The following ELP2 variants were observed in gnomAD, a reference collection of about 807,000 sequenced individuals.
ELP2 encodes the protein elongator acetyltransferase complex subunit 2.
In ELP2, 90 loss-of-function variants were observed where a neutral mutation model predicts 119.2. The ratio of observed to expected loss-of-function variants is 0.75; its 90% CI spans 0.64 to 0.90. The LOEUF (loss-of-function observed/expected upper bound fraction) is 0.90, where lower values mean the gene tolerates loss of function less well. Ranked by LOEUF, ELP2 falls within the 40% of genes least tolerant of loss-of-function variation. ELP2 has a pLI of 0.00. For synonymous variants in ELP2, 339 were observed against 331.0 expected (o/e 1.02, Z -0.26); for missense variants, 921 against 967.8 (o/e 0.95, Z 0.64).
intron 2 of ELP2, among the ~76,000 whole-genome samples, chr18:36,133,978 C>G (rs764713350): frequency 7.7e-6 from 1 of 129,112 alleles, no homozygotes; most frequent in Non-Finnish European, 1.5e-5. Context: ...GGCAAGATCT[C>G]GGCTCACTGC....
At chr18:36,141,692 CTTTT>C (rs1204242187) in intron 6 of ELP2, among the ~76,000 whole-genome samples, 1 of 137,270 alleles carries the variant, frequency 7.3e-6, no homozygotes, top group African/African-American at 2.7e-5. Context: ...AGCTATTCAA[CTTTT>C]TTTTTTTTTT....
chr18:36,157,002 AGG>A (rs1297171696), intron 13 of ELP2, among the ~76,000 whole-genome samples: 1 of 152,138 alleles, frequency 6.6e-6, no homozygotes, highest in Non-Finnish European at 1.5e-5. Context: ...GTAGGGGTAG[AGG>A]TAGGGGGCAG....
At chr18:36,155,020 A>AT (rs781741475) in intron 12 of ELP2, 21 bp downstream of exon 12, 2 of 1,600,632 alleles carry the variant, frequency 1.2e-6, no homozygotes, top group East Asian at 4.5e-5. Context: ...TTATTTATTT[A>AT]TTTATTTTTT....
chr18:36,148,943 C>T (rs2090299874), intron 11 of ELP2, among the ~76,000 whole-genome samples: 1 of 152,156 alleles, frequency 6.6e-6, no homozygotes, highest in African/African-American at 2.4e-5. Context: ...TGAATGTCTC[C>T]CAGGCTGAGG....
At chr18:36,156,328 C>T (rs1262322980) in intron 12 of ELP2, 138 bp from the exon 13 acceptor site, 4 of 825,548 alleles carry the variant, frequency 4.8e-6, no homozygotes, top group Non-Finnish European at 8.1e-6. Context: ...CAATACTGCC[C>T]AGTTGTGGTT....
intron 21 of ELP2, among the ~76,000 whole-genome samples, chr18:36,173,915 G>T (rs926205086): frequency 1.3e-5 from 2 of 152,130 alleles, no homozygotes; most frequent in Non-Finnish European, 2.9e-5. Flanking sequence ...GGGGAGGTAG[G>T]GGGTAGGGAG....
chr18:36,151,336 G>C (rs532135189), intron 11 of ELP2, among the ~76,000 whole-genome samples: 2 of 151,890 alleles, frequency 1.3e-5, no homozygotes, highest in African/African-American at 4.8e-5. Context: ...ACCCGCTTCT[G>C]CCTCCCAAAG....
chr18:36,166,683 A>T (rs1379369471), intron 18 of ELP2, among the ~76,000 whole-genome samples: 1 of 152,186 alleles, frequency 6.6e-6, no homozygotes, highest in African/African-American at 2.4e-5. Flanking sequence ...AACTTCCCTT[A>T]CACTTAAATC....
At chr18:36,142,427 A>G (rs2090063347) in intron 7 of ELP2, 80 bp downstream of exon 7, 2 of 1,188,614 alleles carry the variant, frequency 1.7e-6, no homozygotes, top group African/African-American at 1.5e-5. Flanking sequence ...TTTTTGTTTT[A>G]ATTTTTAAGT....
chr18:36,179,325 TAGTC>T lies in ELP2; in HGVS notation c.*4685_*4688del, dbSNP rs1413178998. 7.2e-4 allele frequency: 69 copies of T among 95,472 alleles called. No homozygotes were observed. Among genetic ancestry groups the T allele is most frequent in the African/African-American group, 2.7e-3 (68 of 25,624 alleles). 5.9% of individuals were successfully genotyped at this position (95,472 alleles called of 1,614,324 possible). A position where few individuals can be genotyped will look rare whatever the true frequency, so the allele number is the denominator to read the frequency against. On this transcript the variant is annotated 3_prime_UTR_variant, in exon 22 of 22. Transcript: ENST00000358232. ...AAAAATACAAAAAAAAAAAAAAAATTAGTCGGGCATGGTGGTGGGCGCCTGTAAT... is the reference window on the plus strand; with the variant it reads ...AAAAATACAAAAAAAAAAAAAAAATTGGGCATGGTGGTGGGCGCCTGTAAT...
At position 36,139,417 on chromosome 18, in the gene ELP2, A is replaced by T. The variant is rs547037994; in HGVS notation, c.523+545A>T. On this transcript the variant is annotated intron_variant, in intron 5 of 21. Transcript: ENST00000358232. ...AGTGAGTCAGCCTCTTTGCCTCCAC[A>T]GTTACCTGGAAGACTGGCCAGGTGG... The T allele has an allele frequency of 3.9e-6, 6 of 1,535,308 alleles. No individual in the cohort carries two copies. The Admixed American group carries it at 7.8e-5, about 20-fold the overall frequency.
chr18:36,178,573 T>C lies in ELP2; in HGVS notation c.*3932T>C, dbSNP rs2091272330. 6.6e-6 allele frequency: 1 copy of C among 152,134 alleles called. No individual in the cohort carries two copies. The highest frequency in any genetic ancestry group is 1.5e-5 in the Non-Finnish European group (1 of 68,038). 9.4% of individuals were successfully genotyped at this position (152,134 alleles called of 1,614,324 possible). On this transcript the variant is annotated 3_prime_UTR_variant, in exon 22 of 22. Coordinates refer to ENST00000358232, the MANE Select transcript of ELP2 (RefSeq NM_018255.4). Reference sequence around the variant, plus strand: ...TGAACTCTGGCTGGATATTTGATGATATTAAGGAAACAACATTTAAACATA... The same window carrying C: ...TGAACTCTGGCTGGATATTTGATGACATTAAGGAAACAACATTTAAACATA...
chr18:36,136,472 G>T, intron 3 of ELP2, 95 bp downstream of exon 3: 1 of 1,025,642 alleles, frequency 9.7e-7, no homozygotes, highest in Non-Finnish European at 1.5e-6. Context: ...CTGACGTGCA[G>T]TGGTGCGATC....
intron 5 of ELP2, chr18:36,139,792 A>C: frequency 2.5e-6 from 1 of 406,982 alleles, no homozygotes; most frequent in Admixed American, 4.1e-5. Context: ...TTTTTATCTT[A>C]TTAAAATAAT....
chr18:36,169,234 A>G, intron 19 of ELP2, among the ~76,000 whole-genome samples: 1 of 151,168 alleles, frequency 6.6e-6, no homozygotes, highest in Admixed American at 6.6e-5. Flanking sequence ...CCTGCTCTCC[A>G]TTTCTTTGTG....
chr18:36,178,188 G>A lies in ELP2; in HGVS notation c.*3547G>A. The A allele has an allele frequency of 6.6e-6, 1 of 152,250 alleles. No homozygotes were observed. The highest frequency in any genetic ancestry group is 1.5e-5 in the Non-Finnish European group (1 of 68,094). 9.4% of individuals were successfully genotyped at this position (152,250 alleles called of 1,614,324 possible). A position where few individuals can be genotyped will look rare whatever the true frequency, so the allele number is the denominator to read the frequency against. On this transcript the variant is annotated 3_prime_UTR_variant, in exon 22 of 22. Coordinates refer to ENST00000358232, the MANE Select transcript of ELP2 (RefSeq NM_018255.4). ...GGGAGACGGGAGAGCCCAGCTCTGG[G>A]TACAGTTGGGCCACAGCAGAAGGAG... is the stretch of plus-strand genomic sequence containing the variant.
intron 9 of ELP2, 172 bp downstream of exon 9, chr18:36,145,206 C>T (rs1308401062): frequency 8.3e-6 from 5 of 605,948 alleles, no homozygotes; most frequent in African/African-American, 5.5e-5. Flanking sequence ...CACTCAGTTC[C>T]ATTGAACATT....
rs942440305 is a variant in ELP2 at position 36,158,692 on chromosome 18, A to G, written c.1465-143A>G. 10 of 620,872 alleles carry G rather than the reference A, an allele frequency of 1.6e-5. No individual in the cohort carries two copies. The Admixed American group carries it at 2.2e-4, about 14-fold the overall frequency. 38.5% of individuals were successfully genotyped at this position (620,872 alleles called of 1,614,324 possible). On this transcript the variant is annotated intron_variant, in intron 13 of 21. Coordinates refer to ENST00000358232, the MANE Select transcript of ELP2 (RefSeq NM_018255.4). ...GAAGTGAAAGTACGGGTAGACATCC[A>G]CACAAGATGGTCTTTAAACTGTTTC...
chr18:36,148,811 G>T (rs1249219627), intron 11 of ELP2, among the ~76,000 whole-genome samples: 1 of 152,210 alleles, frequency 6.6e-6, no homozygotes, highest in Non-Finnish European at 1.5e-5. Flanking sequence ...GGGAAGTTGA[G>T]GCTGCAGTGA....
Sources: gnomAD v4.1 joint callset for allele counts (sites outside exome capture counted in the v4.1 genomes callset) on GRCh38, gnomAD v4.1.1 for gene constraint, MANE v1.5 for transcripts, NCBI Gene and HGNC (gene_info 2026-07-23, HGNC 2026-07-21) for gene names.